The following CNBD1 variants were observed in gnomAD, a reference collection of about 807,000 sequenced individuals.
CNBD1 encodes the protein cyclic nucleotide-binding domain-containing protein 1.
CNBD1 carries 71 observed loss-of-function variants against 54.4 expected under a neutral mutation model. That is an observed-to-expected ratio of 1.30 (90% CI 1.08 to 1.59). The LOEUF is 1.59. Among genes scored for constraint, CNBD1 ranks in the 40% most tolerant of loss-of-function variants. The pLI is 0.00. For missense variants in CNBD1, 659 were observed against 518.0 expected, an observed-to-expected ratio of 1.27 and a Z score of -2.64; for synonymous variants, 182 against 170.7, an observed-to-expected ratio of 1.07 and a Z score of -0.51.
chr8:87,183,208 G>A (rs1813393673), intron 4 of CNBD1, among the ~76,000 whole-genome samples: 1 of 152,066 alleles, frequency 6.6e-6, no homozygotes, highest in Non-Finnish European at 1.5e-5. Flanking sequence ...ACAGATGGTT[G>A]TAGGTGCACA....
At chr8:87,382,581 T>C in intron 10 of CNBD1, 39 bp from the exon 11 acceptor site, 1 of 1,512,876 alleles carries the variant, frequency 6.6e-7, no homozygotes, top group Non-Finnish European at 9.0e-7. Context: ...AATGAGTATT[T>C]ATTATGTAAC....
At chr8:86,958,345 G>T (rs142085311) in intron 4 of CNBD1, among the ~76,000 whole-genome samples, 1 of 152,102 alleles carries the variant, frequency 6.6e-6, no homozygotes, top group African/African-American at 2.4e-5. Context: ...TGTCTATTAG[G>T]TCCTCATTGC....
intron 4 of CNBD1, among the ~76,000 whole-genome samples, chr8:87,183,326 T>A (rs543250369): frequency 1.3e-5 from 2 of 152,088 alleles, no homozygotes; most frequent in Non-Finnish European, 2.9e-5. Context: ...AATCAGGTAG[T>A]GTGATACCTT....
chr8:87,150,929 T>C (rs1456558296), intron 4 of CNBD1, among the ~76,000 whole-genome samples: 1 of 152,174 alleles, frequency 6.6e-6, no homozygotes, highest in Non-Finnish European at 1.5e-5. Context: ...AGAAAGAATT[T>C]ACAGTTGTAA....
intron 5 of CNBD1, among the ~76,000 whole-genome samples, chr8:87,209,276 A>T (rs909392000): frequency 1.3e-5 from 2 of 152,140 alleles, no homozygotes; most frequent in Non-Finnish European, 2.9e-5. Context: ...GACTAATTTT[A>T]TGAGGCCAGC....
At chr8:87,320,923 G>A (rs1473134189) in intron 8 of CNBD1, among the ~76,000 whole-genome samples, 1 of 151,970 alleles carries the variant, frequency 6.6e-6, no homozygotes, top group Non-Finnish European at 1.5e-5. Flanking sequence ...TATCAATATG[G>A]CTATTTTAGA....
At chr8:87,237,189 T>G in intron 6 of CNBD1, 77 bp downstream of exon 6, 2 of 772,036 alleles carry the variant, frequency 2.6e-6, no homozygotes. Flanking sequence ...TTCCAGACAT[T>G]AAGATCCAAT....
chr8:86,952,842 G>A (rs1319508893), intron 4 of CNBD1, among the ~76,000 whole-genome samples: 1 of 152,064 alleles, frequency 6.6e-6, no homozygotes, highest in Admixed American at 6.6e-5. Context: ...GAGTTTCCTT[G>A]CAACTTTTGT....
At chr8:87,002,906 T>C (rs1809022070) in intron 4 of CNBD1, among the ~76,000 whole-genome samples, 1 of 152,314 alleles carries the variant, frequency 6.6e-6, no homozygotes, top group South Asian at 2.1e-4. Flanking sequence ...TTCTGGCATG[T>C]ATTATGTTTG....
intron 2 of CNBD1, among the ~76,000 whole-genome samples, chr8:87,397,404 G>A (rs1376609777): frequency 6.6e-6 from 1 of 151,850 alleles, no homozygotes; most frequent in Non-Finnish European, 1.5e-5. Flanking sequence ...TGTTTTGTAA[G>A]AGTGAAATCA....
intron 4 of CNBD1, among the ~76,000 whole-genome samples, chr8:87,178,376 T>C (rs62527344): frequency 5.9e-5 from 9 of 152,108 alleles, no homozygotes; most frequent in Non-Finnish European, 1.3e-4. Flanking sequence ...AGAGGGGGCA[T>C]GCAATGCAGA....
In CNBD1 at chr8:87,241,268, A is replaced by ATTTTTTT. The variant is rs34829455; in HGVS notation, c.771+4173_771+4179dup. ...GGGCACAAAAATCTGTATTTGGAAG[A>ATTTTTTT]TTTTTTTTTTTTTTTTTTTTTTTGA... On this transcript the variant is annotated intron_variant, in intron 6 of 10. Coordinates refer to ENST00000518476, the MANE Select transcript of CNBD1 (RefSeq NM_173538.3). Among the ~76,000 whole-genome samples the ATTTTTTT allele has an allele frequency of 2.7e-3, 257 of 93,848 alleles. 11 individuals are homozygous for ATTTTTTT. Among genetic ancestry groups the ATTTTTTT allele is most frequent in the African/African-American group, 0.012 (240 of 20,506 alleles). 61.6% of individuals were successfully genotyped at this position (93,848 alleles called of 152,430 possible).
rs538022628 is a variant in CNBD1 at position 87,043,249 on chromosome 8, C to T, written c.431+103495C>T. Among the ~76,000 whole-genome samples, 3 of 152,234 alleles carry T rather than the reference C, an allele frequency of 2.0e-5. No individual in the cohort carries two copies. The East Asian group carries it at 5.8e-4, about 29-fold the overall frequency. On this transcript the variant is annotated intron_variant, in intron 4 of 10. Coordinates refer to ENST00000518476, the MANE Select transcript of CNBD1 (RefSeq NM_173538.3). Reference sequence around the variant, plus strand: ...TCTCTCAGAGCAATTGTTCATTTTTCTCCCCAATCTAGGACCCTCCCTGAC... The same window carrying T: ...TCTCTCAGAGCAATTGTTCATTTTTTTCCCCAATCTAGGACCCTCCCTGAC...
At chr8:87,027,309 G>T (rs1334582469) in intron 4 of CNBD1, among the ~76,000 whole-genome samples, 6 of 151,986 alleles carry the variant, frequency 3.9e-5, no homozygotes, top group Non-Finnish European at 7.4e-5. Context: ...ATCTTGCTCT[G>T]TTGCCAGGCT....
At chr8:87,181,187 T>C (rs1052931403) in intron 4 of CNBD1, among the ~76,000 whole-genome samples, 1 of 152,220 alleles carries the variant, frequency 6.6e-6, no homozygotes, top group African/African-American at 2.4e-5. Context: ...TGTCTGCAGG[T>C]TGAATCAAAA....
intron 10 of CNBD1, among the ~76,000 whole-genome samples, chr8:87,360,092 T>C (rs944588919): frequency 6.6e-6 from 1 of 151,972 alleles, no homozygotes. Context: ...AAAGATTCAG[T>C]TCATCTTGAA....
At chr8:87,147,482 T>C (rs1812514049) in intron 4 of CNBD1, among the ~76,000 whole-genome samples, 1 of 152,106 alleles carries the variant, frequency 6.6e-6, no homozygotes, top group African/African-American at 2.4e-5. Flanking sequence ...TTATTGATAA[T>C]GGCTAGTGGT....
intron 6 of CNBD1, among the ~76,000 whole-genome samples, chr8:87,260,996 C>T (rs1445497803): frequency 6.6e-6 from 1 of 152,068 alleles, no homozygotes; most frequent in African/African-American, 2.4e-5. Context: ...GGATAGAACA[C>T]AAAAATCCCT....
At chr8:87,410,287 T>C (rs947989301) in intron 2 of CNBD1, among the ~76,000 whole-genome samples, 5 of 152,178 alleles carry the variant, frequency 3.3e-5, no homozygotes, top group Non-Finnish European at 7.3e-5. Context: ...AGTCATATTA[T>C]TTAAAAAATA....
Sources: allele counts gnomAD v4.1 joint callset (sites outside exome capture counted in the v4.1 genomes callset), GRCh38; gene constraint gnomAD v4.1.1; transcripts MANE v1.5; gene names NCBI Gene and HGNC (gene_info 2026-07-23, HGNC 2026-07-21).